UBAP2L: variants seen among roughly 807,000 people sequenced by gnomAD.
The protein encoded by UBAP2L is ubiquitin associated protein 2 like, also known as ubiquitin-associated protein 2-like.
Under a neutral mutation model 130.6 loss-of-function variants are expected in UBAP2L, and 12 were observed. The ratio of observed to expected loss-of-function variants is 0.09; its 90% CI spans 0.06 to 0.15. The LOEUF (loss-of-function observed/expected upper bound fraction) is 0.15, where lower values mean the gene tolerates loss of function less well. Among genes scored for constraint, UBAP2L ranks in the 10% least tolerant of loss-of-function variants. The probability of loss-of-function intolerance (pLI) is 1.00; values close to 1 mark genes in which losing one functional copy is unlikely to be tolerated. For synonymous variants in UBAP2L, 503 were observed against 524.7 expected, an observed-to-expected ratio of 0.96 and a Z score of 0.57; for missense variants, 965 against 1,332.5, an observed-to-expected ratio of 0.72 and a Z score of 4.29.
Position 154,241,595 on chromosome 1 carries a change from T to C in UBAP2L, c.756+30T>C, listed in dbSNP as rs773210980. 9 of 1,612,996 alleles carry C rather than the reference T, an allele frequency of 5.6e-6. 1 individual carries two copies. The highest frequency in any genetic ancestry group is 2.2e-5 in the East Asian group (1 of 44,878). The stretch of plus-strand genomic sequence containing the variant: ...GTATTCCCAGGTCATTCCTCACTAA[T>C]GCCTTCTATCCCTAAGTGTTGTTTA... On this transcript the variant is annotated intron_variant, in intron 9 of 26. Transcript: ENST00000428931.
At chr1:154,228,474 A>C in intron 3 of UBAP2L, 141 bp from the exon 4 acceptor site, 1 of 590,710 alleles carries the variant, frequency 1.7e-6, no homozygotes. Flanking sequence ...GGCGTGAGCC[A>C]CTGTGCCCAG....
In UBAP2L at chr1:154,270,685, AAACAAC is replaced by A. The variant is rs373050667; in HGVS notation, c.*402_*407del. 4.2e-6 allele frequency: 6 copies of A among 1,413,260 alleles called. No individual in the cohort carries two copies. The highest frequency in any genetic ancestry group is 5.5e-6 in the Non-Finnish European group (6 of 1,090,576). 87.5% of individuals were successfully genotyped at this position (1,413,260 alleles called of 1,614,324 possible). A position where few individuals can be genotyped will look rare whatever the true frequency, so the allele number is the denominator to read the frequency against. On this transcript the variant is annotated 3_prime_UTR_variant, in exon 27 of 27. Transcript: ENST00000428931. The stretch of plus-strand genomic sequence containing the variant: ...TAAGTCTCCTTCTTTATTATTAGGA[AAACAAC>A]AACAACAACAAACAAAAAAATGGCG...
At chr1:154,245,155 A>T (rs1270395326) in intron 10 of UBAP2L, among the ~76,000 whole-genome samples, 1 of 152,006 alleles carries the variant, frequency 6.6e-6, no homozygotes, top group Non-Finnish European at 1.5e-5. Context: ...CAAACTCCTG[A>T]CTTCAAGTAT....
intron 6 of UBAP2L, 37 bp downstream of exon 6, chr1:154,235,328 G>C (rs768238798): frequency 1.4e-6 from 1 of 729,414 alleles, no homozygotes. Flanking sequence ...TTGGGGGCAG[G>C]TTACTCTTTA....
upstream of UBAP2L, chr1:154,220,780 G>A: frequency 4.5e-6 from 1 of 223,296 alleles, no homozygotes; most frequent in Non-Finnish European, 9.0e-6. Context: ...GTGTCTCGTG[G>A]CGAGGCGGCA....
chr1:154,243,022 A>C (rs370636410), intron 9 of UBAP2L, 195 bp from the exon 10 acceptor site: 3 of 438,502 alleles, frequency 6.8e-6, no homozygotes, highest in African/African-American at 2.0e-5. Context: ...CCTTGCTTCT[A>C]CTCTTTCTTT....
chr1:154,241,432 T>C, intron 8 of UBAP2L, 81 bp from the exon 9 acceptor site: 4 of 1,459,178 alleles, frequency 2.7e-6, no homozygotes, highest in Non-Finnish European at 3.8e-6. Context: ...GCCAAAAAAA[T>C]TAATACATTG....
intron 17 of UBAP2L, 43 bp downstream of exon 17, chr1:154,255,369 A>G (rs750100610): frequency 1.2e-6 from 2 of 1,603,664 alleles, no homozygotes; most frequent in African/African-American, 2.7e-5. Context: ...GTGAATAGCA[A>G]TAACAGAGCT....
Position 154,270,674 on chromosome 1 carries a change from T to C in UBAP2L, c.*379T>C, listed in dbSNP as rs952383537. On this transcript the variant is annotated 3_prime_UTR_variant, in exon 27 of 27. Coordinates refer to ENST00000428931, the MANE Select transcript of UBAP2L (RefSeq NM_014847.4). ...CCCAACAGCCCTAAGTCTCCTTCTTTATTATTAGGAAAACAACAACAACAA... is the reference window on the plus strand; with the variant it reads ...CCCAACAGCCCTAAGTCTCCTTCTTCATTATTAGGAAAACAACAACAACAA... 2 of 1,411,158 alleles carry C rather than the reference T, an allele frequency of 1.4e-6. No individual in the cohort carries two copies. Among genetic ancestry groups the C allele is most frequent in the African/African-American group, 1.4e-5 (1 of 68,972 alleles). 87.4% of individuals were successfully genotyped at this position (1,411,158 alleles called of 1,614,324 possible).
upstream of UBAP2L, chr1:154,220,454 T>A: frequency 6.2e-7 from 1 of 1,608,716 alleles, no homozygotes; most frequent in African/African-American, 1.3e-5. Context: ...CCCGCTGTCC[T>A]GGCTGGTCAG....
intron 26 of UBAP2L, chr1:154,269,282 T>C (rs1684210104): frequency 7.6e-7 from 1 of 1,319,518 alleles, no homozygotes; most frequent in Non-Finnish European, 1.0e-6. Context: ...TCCCTGACAT[T>C]TTAGCTTTCC....
intron 12 of UBAP2L, among the ~76,000 whole-genome samples, chr1:154,249,709 G>GAGGACAGCCTGAGCCTTAGGAGTTCA (rs1676836121): frequency 6.6e-6 from 1 of 152,014 alleles, no homozygotes; most frequent in Non-Finnish European, 1.5e-5. Context: ...GTTGAAGTGG[G>GAGGACAGCCTGAGCCTTAGGAGTTCA]AGGACAGCCT....
intron 4 of UBAP2L, 137 bp downstream of exon 4, chr1:154,228,862 T>G (rs1051924551): frequency 1.6e-5 from 9 of 550,508 alleles, no homozygotes; most frequent in Non-Finnish European, 2.9e-5. Context: ...TTCTTGGAGA[T>G]TGTTCACCAC....
chr1:154,261,878 A>G (rs1202230388), intron 24 of UBAP2L, among the ~76,000 whole-genome samples, 181 bp downstream of exon 24: 1 of 152,228 alleles, frequency 6.6e-6, no homozygotes, highest in Non-Finnish European at 1.5e-5. Context: ...GAGGAGCTTG[A>G]TACTAGGACA....
rs573428422 is a variant in UBAP2L at position 154,246,357 on chromosome 1, A to G, written c.996A>G (p.Thr332=). The change falls in exon 11 of 27, where the codon ACA becomes ACG. Residue 332 remains threonine, a synonymous_variant. Transcript: ENST00000428931. Reference sequence around the variant, plus strand: ...TATCACAGCCTGCTTCAGGGAACACATTTTCTCATCACAGTATGGTGAGTA... The same window carrying G: ...TATCACAGCCTGCTTCAGGGAACACGTTTTCTCATCACAGTATGGTGAGTA... The part of the protein sequence containing the change: ...TAISQPASGN[T]FSHHSMVSML... 40 of 1,612,902 alleles carry G rather than the reference A, an allele frequency of 2.5e-5. 1 individual carries two copies. In the South Asian group the frequency reaches 4.1e-4, roughly 16 times the overall value.
Position 154,236,563 on chromosome 1 carries a change from T to C in UBAP2L, c.545-3T>C, listed in dbSNP as rs752861533. ...TCTTCTCTTTTTCTCATTCTTTCTT[T>C]AGGTGGCTCTGGTAGGCGAGGAGGA... On this transcript the variant is annotated splice_polypyrimidine_tract_variant and splice_region_variant and intron_variant, in intron 6 of 26. Transcript: ENST00000428931. The C allele has an allele frequency of 2.5e-6, 4 of 1,614,114 alleles. No individual in the cohort carries two copies. In the African/African-American group the frequency reaches 5.3e-5, roughly 22 times the overall value.
chr1:154,224,972 T>A (rs981661956), intron 1 of UBAP2L, 112 bp from the exon 2 acceptor site: 7 of 633,422 alleles, frequency 1.1e-5, no homozygotes, highest in Admixed American at 2.9e-5. Flanking sequence ...ATGAATCTTA[T>A]TGATTTGTTC....
At chr1:154,241,366 G>A (rs1673565449) in intron 8 of UBAP2L, 147 bp from the exon 9 acceptor site, 2 of 677,672 alleles carry the variant, frequency 3.0e-6, no homozygotes, top group Admixed American at 2.5e-5. Context: ...AGGATTATAG[G>A]TGTGAGCCAC....
intron 17 of UBAP2L, 71 bp from the exon 18 acceptor site, chr1:154,255,612 G>T: frequency 6.5e-7 from 1 of 1,527,142 alleles, no homozygotes. Flanking sequence ...TCCTTGTTAT[G>T]TTCTTGACTG....
Sources: allele counts gnomAD v4.1 joint callset (sites outside exome capture counted in the v4.1 genomes callset), GRCh38; gene constraint gnomAD v4.1.1; transcripts MANE v1.5; gene names NCBI Gene and HGNC (gene_info 2026-07-23, HGNC 2026-07-21).